KHDRBS2: variants seen among roughly 807,000 people sequenced by gnomAD.
The protein encoded by KHDRBS2 is KH domain-containing, RNA-binding, signal transduction-associated protein 2.
Under a neutral mutation model 44.3 loss-of-function variants are expected in KHDRBS2, and 26 were observed. That is an observed-to-expected ratio of 0.59 (90% CI 0.43 to 0.81). KHDRBS2 has a LOEUF of 0.81. KHDRBS2 is among the 40% of genes least tolerant of loss of function. KHDRBS2 has a pLI of 0.00. For synonymous variants in KHDRBS2, 194 were observed against 151.1 expected, an observed-to-expected ratio of 1.28 and a Z score of -2.08; for missense variants, 476 against 433.1, an observed-to-expected ratio of 1.10 and a Z score of -0.88.
intron 2 of KHDRBS2, among the ~76,000 whole-genome samples, chr6:62,110,944 T>C (rs1368174962): frequency 6.6e-6 from 1 of 151,658 alleles, no homozygotes; most frequent in Non-Finnish European, 1.5e-5. Context: ...CTAGCACTCA[T>C]GTGTTAAAAT....
chr6:62,160,823 A>T (rs1817464889), intron 2 of KHDRBS2, among the ~76,000 whole-genome samples: 1 of 152,118 alleles, frequency 6.6e-6, no homozygotes, highest in Non-Finnish European at 1.5e-5. Context: ...GGGGAAATAC[A>T]TATAAAATAT....
intron 1 of KHDRBS2, among the ~76,000 whole-genome samples, chr6:62,214,472 GT>G (rs1416199930): frequency 6.8e-6 from 1 of 147,262 alleles, no homozygotes; most frequent in African/African-American, 2.4e-5. Flanking sequence ...AAAGTTGACT[GT>G]TTTTAATGGC....
At chr6:62,068,798 T>C (rs59763399) in intron 2 of KHDRBS2, among the ~76,000 whole-genome samples, 3,759 of 151,746 alleles carry the variant, frequency 0.025, 164 homozygotes, top group African/African-American at 0.084. Context: ...AAAAAATCAA[T>C]TGACCACAGA....
At chr6:62,110,733 G>C (rs1471487169) in intron 2 of KHDRBS2, among the ~76,000 whole-genome samples, 1 of 152,042 alleles carries the variant, frequency 6.6e-6, no homozygotes, top group South Asian at 2.1e-4. Flanking sequence ...GGCAAGGAGT[G>C]AGGGATTACA....
At chr6:62,014,134 G>T (rs1481458443) in intron 3 of KHDRBS2, among the ~76,000 whole-genome samples, 2 of 152,036 alleles carry the variant, frequency 1.3e-5, no homozygotes, top group African/African-American at 4.8e-5. Flanking sequence ...TGTACTAATT[G>T]CAAACATATT....
chr6:61,590,437 C>A, the KHDRBS2 span, among the ~76,000 whole-genome samples: 2 of 152,140 alleles, frequency 1.3e-5, no homozygotes, highest in Non-Finnish European at 2.9e-5. Flanking sequence ...AAAATAAATT[C>A]TGCAAGTTAC....
At chr6:62,153,168 A>G (rs1012513558) in intron 2 of KHDRBS2, among the ~76,000 whole-genome samples, 8 of 152,212 alleles carry the variant, frequency 5.3e-5, no homozygotes, top group African/African-American at 1.7e-4. Flanking sequence ...TAAATTAATT[A>G]CCATAAACTA....
At chr6:61,808,419 A>G (rs1412085853) in intron 6 of KHDRBS2, among the ~76,000 whole-genome samples, 2 of 152,156 alleles carry the variant, frequency 1.3e-5, no homozygotes, top group Admixed American at 6.6e-5. Flanking sequence ...CCAGAATTCT[A>G]GTTCTAGTTC....
the KHDRBS2 span, among the ~76,000 whole-genome samples, chr6:61,629,729 A>G: frequency 6.6e-6 from 1 of 152,218 alleles, no homozygotes; most frequent in African/African-American, 2.4e-5. Context: ...ATAACGTTAT[A>G]AAGCTGAATT....
chr6:61,545,997 T>G, the KHDRBS2 span, among the ~76,000 whole-genome samples: 4 of 152,140 alleles, frequency 2.6e-5, no homozygotes, highest in Non-Finnish European at 5.9e-5. Context: ...TTTCTGTTGT[T>G]TAAGCCATAC....
At chr6:61,659,255 CTGAG>C in the KHDRBS2 span, 14 of 151,774 alleles carry the variant, frequency 9.2e-5, no homozygotes, top group African/African-American at 1.4e-4. Flanking sequence ...ACATGAGGTG[CTGAG>C]TAAGTCCCTT....
chr6:61,817,828 C>A (rs1044717464), intron 6 of KHDRBS2, among the ~76,000 whole-genome samples: 17 of 151,506 alleles, frequency 1.1e-4, no homozygotes, highest in African/African-American at 4.1e-4. Context: ...TTTGGAAAAC[C>A]AATTAACTCT....
chr6:61,981,851 T>A (rs1349533843), intron 3 of KHDRBS2, among the ~76,000 whole-genome samples: 1 of 152,188 alleles, frequency 6.6e-6, no homozygotes, highest in Non-Finnish European at 1.5e-5. Flanking sequence ...CTTATATTTG[T>A]ATGGGTAGAT....
intron 4 of KHDRBS2, among the ~76,000 whole-genome samples, chr6:61,930,203 C>G (rs1272881626): frequency 1.3e-5 from 2 of 152,178 alleles, no homozygotes; most frequent in East Asian, 3.9e-4. Context: ...AACAAACCTG[C>G]AGGCACCTTG....
intron 6 of KHDRBS2, among the ~76,000 whole-genome samples, chr6:61,856,850 G>A (rs1422067658): frequency 2.0e-5 from 3 of 152,022 alleles, no homozygotes; most frequent in African/African-American, 7.2e-5. Context: ...GTAGAGTGGG[G>A]CCAGATATAT....
At chr6:61,944,597 G>A (rs187683480) in intron 4 of KHDRBS2, among the ~76,000 whole-genome samples, 73 of 152,196 alleles carry the variant, frequency 4.8e-4, no homozygotes, top group Admixed American at 4.5e-3. Context: ...GCAGATCAGG[G>A]TGAGTAGCAG....
intron 3 of KHDRBS2, among the ~76,000 whole-genome samples, chr6:61,983,480 A>T (rs1774404000): frequency 6.6e-6 from 1 of 151,936 alleles, no homozygotes; most frequent in South Asian, 2.1e-4. Context: ...TAAGTAACAA[A>T]GGTCACTTCT....
chr6:62,110,285 A>C (rs756130201), intron 2 of KHDRBS2, among the ~76,000 whole-genome samples: 1 of 152,106 alleles, frequency 6.6e-6, no homozygotes, highest in Admixed American at 6.6e-5. Context: ...AAAGAATCCA[A>C]CATATATCTG....
intron 1 of KHDRBS2, among the ~76,000 whole-genome samples, chr6:62,196,554 A>T (rs1825745079): frequency 6.6e-6 from 1 of 150,508 alleles, no homozygotes. Flanking sequence ...TTTAGGTCTG[A>T]GGTATGTACA....
Sources: gnomAD v4.1 joint callset for allele counts (sites outside exome capture counted in the v4.1 genomes callset) on GRCh38, gnomAD v4.1.1 for gene constraint, MANE v1.5 for transcripts, NCBI Gene and HGNC (gene_info 2026-07-23, HGNC 2026-07-21) for gene names.